Variants in LRP6 observed in about 807,000 individuals in gnomAD.
The protein encoded by LRP6 is LDL receptor related protein 6.
Under a neutral mutation model 184.1 loss-of-function variants are expected in LRP6, and 43 were observed. The ratio of observed to expected loss-of-function variants is 0.23; its 90% CI spans 0.18 to 0.30. The LOEUF (loss-of-function observed/expected upper bound fraction) is 0.30. LRP6 is among the 10% of genes least tolerant of loss of function. LRP6 has a pLI of 1.00. For synonymous variants in LRP6, 719 were observed against 684.9 expected, an observed-to-expected ratio of 1.05 and a Z score of -0.78; for missense variants, 1,571 against 2,005.3, an observed-to-expected ratio of 0.78 and a Z score of 4.14.
chr12:12,188,222 A>C lies in LRP6; in HGVS notation c.648-1103T>G, dbSNP rs1179023952. On this transcript the variant is annotated intron_variant, in intron 3 of 22. Transcript: ENST00000261349. ...CGAGACTCATCTCAAAAAAAAAAAA[A>C]AGAAAAAAAAAAGAATAAGCAAATG... 2.6e-5 allele frequency among the ~76,000 whole-genome samples: 4 copies of C among 151,836 alleles called. 1 individual carries two copies. The highest frequency in any genetic ancestry group is 2.0e-4 in the Admixed American group (3 of 15,252).
chr12:12,205,634 C>T (rs1347817098), intron 2 of LRP6, among the ~76,000 whole-genome samples: 1 of 152,122 alleles, frequency 6.6e-6, no homozygotes, highest in Non-Finnish European at 1.5e-5. Flanking sequence ...TTAAGCAACC[C>T]TACAAAATAT....
At chr12:12,182,281 T>C (rs1368055703) in intron 5 of LRP6, among the ~76,000 whole-genome samples, 1 of 152,204 alleles carries the variant, frequency 6.6e-6, no homozygotes, top group African/African-American at 2.4e-5. Flanking sequence ...TATTAACTAA[T>C]ACTTAACAAC....
intron 9 of LRP6, among the ~76,000 whole-genome samples, chr12:12,163,318 A>G (rs1324892560): frequency 2.6e-5 from 4 of 152,106 alleles, no homozygotes; most frequent in Non-Finnish European, 5.9e-5. Context: ...ACATCACCCA[A>G]TGCAAACCAA....
chr12:12,149,211 C>A lies in LRP6; in HGVS notation c.2995-58G>T. On this transcript the variant is annotated intron_variant, in intron 13 of 22. Coordinates refer to ENST00000261349, the MANE Select transcript of LRP6 (RefSeq NM_002336.3). ...ACTCCAGGGGCAGATAACCCTGAGG[C>A]AATCAGTCACAATGCTTACACCTAC... 3.2e-6 allele frequency: 4 copies of A among 1,256,410 alleles called. No individual in the cohort carries two copies. The South Asian group carries it at 3.6e-5, about 11-fold the overall frequency. The allele number at this position is 1,256,410 out of a possible 1,614,324, so 77.8% of individuals were successfully genotyped here.
At chr12:12,245,329 TATATATTGC>T (rs1865158179) in intron 1 of LRP6, among the ~76,000 whole-genome samples, 1 of 152,086 alleles carries the variant, frequency 6.6e-6, no homozygotes, top group African/African-American at 2.4e-5. Flanking sequence ...AAAACAAAGG[TATATATTGC>T]ATGACTCTCA....
Position 12,121,389 on chromosome 12 carries a change from G to T in LRP6, c.4579C>A (p.Pro1527Thr), listed in dbSNP as rs1949603338. Reference sequence around the variant, plus strand: ...TCTGTGCTGCAGGGTGTGGTGGGGGGTGCAAAGTGCCGGTAGCTATATGGC... The same window carrying T: ...TCTGTGCTGCAGGGTGTGGTGGGGGTTGCAAAGTGCCGGTAGCTATATGGC... ...YRPYSYRHFA[P>T]PTTPCSTDVC... Residue 1527 changes from proline (P) to threonine (T), a missense_variant, in exon 23 of 23, where the codon CCC becomes ACC. Pro to Thr is a conservative substitution (Grantham distance 38, BLOSUM62 -1). Transcript: ENST00000261349. 3 of 1,613,990 alleles carry T rather than the reference G, an allele frequency of 1.9e-6. No individual in the cohort carries two copies. Among genetic ancestry groups the T allele is most frequent in the Admixed American group, 1.7e-5 (1 of 59,996 alleles).
At chr12:12,165,435 T>G in intron 7 of LRP6, 140 bp from the exon 8 acceptor site, 1 of 699,770 alleles carries the variant, frequency 1.4e-6, no homozygotes, top group Non-Finnish European at 2.5e-6. Context: ...CAAAATTACA[T>G]GATGATTTTA....
chr12:12,118,848 G>C lies in LRP6; in HGVS notation c.*2278C>G, dbSNP rs1949554774. The C allele has an allele frequency of 6.6e-6, 1 of 152,224 alleles. No individual in the cohort carries two copies. The highest frequency in any genetic ancestry group is 1.5e-5 in the Non-Finnish European group (1 of 68,046). The allele number at this position is 152,224 out of a possible 1,614,324, so 9.4% of individuals were successfully genotyped here. A position where few individuals can be genotyped will look rare whatever the true frequency, so the allele number is the denominator to read the frequency against. On this transcript the variant is annotated 3_prime_UTR_variant, in exon 23 of 23. Coordinates refer to ENST00000261349, the MANE Select transcript of LRP6 (RefSeq NM_002336.3). ...ATTGCCATCGCAGTGCAAGCACGTG[G>C]ACTGAGATCCAACAAGGCAATATTC...
At chr12:12,134,948 G>A (rs890373216) in intron 17 of LRP6, among the ~76,000 whole-genome samples, 2 of 152,108 alleles carry the variant, frequency 1.3e-5, no homozygotes, top group Non-Finnish European at 2.9e-5. Flanking sequence ...TCTCACACGT[G>A]GAGTGTAAAA....
rs555746396 is a variant in LRP6 at position 12,125,366 on chromosome 12, T to C, written c.4379A>G (p.Tyr1460Cys). The change falls in exon 21 of 23, where the codon TAT becomes TGT. Residue 1460 changes from tyrosine to cysteine, a missense_variant. By Grantham distance (194) the Tyr-to-Cys change is radical. Coordinates refer to ENST00000261349, the MANE Select transcript of LRP6 (RefSeq NM_002336.3). ...SIMGGSSGPP[Y>C]DRAHVTGASS... ...TGCTCCTGTAACATGGGCTCGGTCA[T>C]AGGGGGGTCCACTGCTTCCCCCCAT... 3.7e-5 allele frequency: 59 copies of C among 1,614,002 alleles called. No individual in the cohort carries two copies. The South Asian group carries it at 4.7e-4, about 13-fold the overall frequency.
chr12:12,121,243 G>C lies in LRP6; in HGVS notation c.4725C>G (p.Ser1575Arg), dbSNP rs1161652464. ...AGTTCTCCTCTGCTGACAAGTATTG[G>C]CTTCGGGGTGTGGGAGGTGGGGGCA... ...EPVPPPPTPR[S>R]QYLSAEENYE... is the part of the protein sequence containing the mutation. The change falls in exon 23 of 23, where the codon AGC becomes AGG. Residue 1575 changes from serine to arginine, a missense_variant. Transcript: ENST00000261349. 6.2e-7 allele frequency: 1 copy of C among 1,614,090 alleles called. No homozygotes were observed. Among genetic ancestry groups the C allele is most frequent in the Non-Finnish European group, 8.5e-7 (1 of 1,180,016 alleles).
intron 1 of LRP6, among the ~76,000 whole-genome samples, chr12:12,265,792 G>A (rs1025764702): frequency 4.6e-5 from 7 of 152,192 alleles, no homozygotes; most frequent in Non-Finnish European, 8.8e-5. Flanking sequence ...AAGTCACAGA[G>A]CATGTGTCAG....
At chr12:12,187,244 C>A in intron 3 of LRP6, 125 bp from the exon 4 acceptor site, 1 of 757,642 alleles carries the variant, frequency 1.3e-6, no homozygotes, top group Non-Finnish European at 2.3e-6. Context: ...TAATACATAC[C>A]AATAGGTCAA....
intron 7 of LRP6, among the ~76,000 whole-genome samples, chr12:12,170,087 C>A (rs964360662): frequency 3.9e-5 from 6 of 152,174 alleles, no homozygotes; most frequent in Non-Finnish European, 8.8e-5. Context: ...GTAATCCTAG[C>A]ACTTTGGGAG....
In LRP6 at chr12:12,118,891, T is replaced by C. The variant is rs1041899659; in HGVS notation, c.*2235A>G. The C allele has an allele frequency of 6.6e-6, 1 of 152,200 alleles. No individual in the cohort carries two copies. Among genetic ancestry groups the C allele is most frequent in the African/African-American group, 2.4e-5 (1 of 41,454 alleles). The allele number at this position is 152,200 out of a possible 1,614,324, so 9.4% of individuals were successfully genotyped here. A position where few individuals can be genotyped will look rare whatever the true frequency, so the allele number is the denominator to read the frequency against. On this transcript the variant is annotated 3_prime_UTR_variant, in exon 23 of 23. Transcript: ENST00000261349. ...CAATATTCTTCTTAGTTAATTAGAGTGCAAGTCTCCACATGGGAAGCCCAC... is the reference window on the plus strand; with the variant it reads ...CAATATTCTTCTTAGTTAATTAGAGCGCAAGTCTCCACATGGGAAGCCCAC...
At chr12:12,189,554 T>C (rs1299095782) in intron 3 of LRP6, among the ~76,000 whole-genome samples, 1 of 152,056 alleles carries the variant, frequency 6.6e-6, no homozygotes, top group Non-Finnish European at 1.5e-5. Flanking sequence ...CAGGATGGAG[T>C]GCAGTGGTGT....
At position 12,266,870 on chromosome 12, in the gene LRP6, AG is replaced by A; in HGVS notation, c.-136del. 1.3e-6 allele frequency: 1 copy of A among 798,844 alleles called. No homozygotes were observed. Among genetic ancestry groups the A allele is most frequent in the Admixed American group, 2.1e-5 (1 of 47,082 alleles). 49.5% of individuals were successfully genotyped at this position (798,844 alleles called of 1,614,324 possible). On this transcript the variant is annotated 5_prime_UTR_variant, in exon 1 of 23. Transcript: ENST00000261349. ...AGCTTCCCAGCGAGAGAAGAAAGAA[AG>A]GGGCACGTCAAGGTTCCGCGCGCGC...
chr12:12,136,362 G>C (rs1168096333), intron 16 of LRP6, among the ~76,000 whole-genome samples: 1 of 151,906 alleles, frequency 6.6e-6, no homozygotes, highest in Non-Finnish European at 1.5e-5. Flanking sequence ...GAATTAAAGA[G>C]TTATTAGAAG....
rs577763001 is a variant in LRP6, at chr12:12,263,045, G to C, written c.55+3636C>G. ...GAGATGGGCAGATCACCTGAGGTCG[G>C]GAGTTCGAGACCAGCCTGACCAACA... is the stretch of plus-strand genomic sequence containing the variant. On this transcript the variant is annotated intron_variant, in intron 1 of 22. Transcript: ENST00000261349. 2.8e-3 allele frequency among the ~76,000 whole-genome samples: 422 copies of C among 149,260 alleles called. 1 individual carries two copies. Among genetic ancestry groups the C allele is most frequent in the African/African-American group, 9.7e-3 (393 of 40,478 alleles).
Sources: allele counts gnomAD v4.1 joint callset (sites outside exome capture counted in the v4.1 genomes callset), GRCh38; gene constraint gnomAD v4.1.1; transcripts MANE v1.5; gene names NCBI Gene and HGNC (gene_info 2026-07-23, HGNC 2026-07-21).